The following ARHGAP42 variants were observed in gnomAD, a reference collection of about 807,000 sequenced individuals.
ARHGAP42 encodes the protein rho GTPase-activating protein 42.
Under a neutral mutation model 125.0 loss-of-function variants are expected in ARHGAP42, and 63 were observed. The observed-to-expected ratio is 0.50, with a 90% CI of 0.41 to 0.62. The LOEUF (loss-of-function observed/expected upper bound fraction) is 0.62, where lower values mean the gene tolerates loss of function less well. Among genes scored for constraint, ARHGAP42 ranks in the 20% least tolerant of loss-of-function variants. The pLI is 0.00. For missense variants in ARHGAP42, 766 were observed against 1,024.2 expected (o/e 0.75, Z 3.44); for synonymous variants, 339 against 351.0 (o/e 0.97, Z 0.38).
At chr11:100,803,203 C>T (rs1863904420) in intron 3 of ARHGAP42, among the ~76,000 whole-genome samples, 1 of 114,994 alleles carries the variant, frequency 8.7e-6, no homozygotes, top group South Asian at 3.5e-4. Flanking sequence ...TAGTGAGATC[C>T]AATCTCTACT....
intron 5 of ARHGAP42, among the ~76,000 whole-genome samples, chr11:100,914,535 AC>A (rs1867013466): frequency 6.6e-6 from 1 of 151,820 alleles, no homozygotes; most frequent in South Asian, 2.1e-4. Context: ...AACAACAACA[AC>A]AAATGTGAAG....
chr11:100,912,734 T>A (rs1421401446), intron 4 of ARHGAP42, among the ~76,000 whole-genome samples: 2 of 152,172 alleles, frequency 1.3e-5, no homozygotes, highest in Admixed American at 6.5e-5. Flanking sequence ...GTAAAGTTAC[T>A]CCCTTCTCAG....
intron 3 of ARHGAP42, among the ~76,000 whole-genome samples, chr11:100,796,469 C>G (rs967328074): frequency 6.6e-6 from 1 of 152,182 alleles, no homozygotes; most frequent in South Asian, 2.1e-4. Context: ...TCATGTGTCT[C>G]TCACTTTTTT....
intron 8 of ARHGAP42, among the ~76,000 whole-genome samples, chr11:100,940,965 C>T (rs1277223959): frequency 1.3e-5 from 2 of 152,012 alleles, no homozygotes; most frequent in African/African-American, 4.8e-5. Flanking sequence ...CAGTGATAAC[C>T]GCTAAGAAGA....
At position 100,902,892 on chromosome 11, in the gene ARHGAP42, A is replaced by G. The variant is rs1182904278; in HGVS notation, c.385-10560A>G. Among the ~76,000 whole-genome samples, 5 of 152,162 alleles carry G rather than the reference A, an allele frequency of 3.3e-5. No homozygotes were observed. The East Asian group carries it at 9.6e-4, about 29-fold the overall frequency. ...TGTTCCATGGGGTGAATTTTGATCA[A>G]TTATGGGAATGACGTGGAAGATAAA... On this transcript the variant is annotated intron_variant, in intron 4 of 23. Transcript: ENST00000298815.
At chr11:100,925,111 C>T (rs767732580) in intron 6 of ARHGAP42, among the ~76,000 whole-genome samples, 5 of 151,920 alleles carry the variant, frequency 3.3e-5, no homozygotes, top group African/African-American at 4.8e-5. Context: ...GGATTACAGG[C>T]GTGAGCCACC....
At chr11:100,904,798 G>A (rs1453067769) in intron 4 of ARHGAP42, among the ~76,000 whole-genome samples, 1 of 152,122 alleles carries the variant, frequency 6.6e-6, no homozygotes, top group Non-Finnish European at 1.5e-5. Context: ...CTGTGACCTT[G>A]GTCAGATTAC....
At chr11:100,959,070 A>G (rs11224538) in intron 12 of ARHGAP42, among the ~76,000 whole-genome samples, 82,610 of 139,762 alleles carry the variant, frequency 0.59, 23,990 homozygotes, top group African/African-American at 0.71. Context: ...GAATATTTTA[A>G]AAATCATGTC....
rs1045134164 is a variant in ARHGAP42 at position 100,875,552 on chromosome 11, G to A, written c.384+15927G>A. On this transcript the variant is annotated intron_variant, in intron 4 of 23. Coordinates refer to ENST00000298815, the MANE Select transcript of ARHGAP42 (RefSeq NM_152432.4). ...TGGGGGGAGGGTTTGCAGTGAGGCAGCCCTCAGCCACTCTCGGCCGAGACG... is the reference window on the plus strand; with the variant it reads ...TGGGGGGAGGGTTTGCAGTGAGGCAACCCTCAGCCACTCTCGGCCGAGACG... 2.0e-4 allele frequency among the ~76,000 whole-genome samples: 31 copies of A among 152,260 alleles called. No individual in the cohort carries two copies. In the East Asian group the frequency reaches 6.0e-3, roughly 30 times the overall value.
intron 1 of ARHGAP42, among the ~76,000 whole-genome samples, chr11:100,710,542 T>TG (rs1386809508): frequency 7.8e-6 from 1 of 128,042 alleles, no homozygotes; most frequent in Non-Finnish European, 1.6e-5. Flanking sequence ...CCAGCAGTTT[T>TG]TTTTTTTTTT....
chr11:100,992,823 C>A lies in ARHGAP42; in HGVS notation c.*4022C>A. The A allele has an allele frequency of 8.6e-7, 1 of 1,162,060 alleles. No individual in the cohort carries two copies. Among genetic ancestry groups the A allele is most frequent in the Middle Eastern group, 2.8e-4 (1 of 3,570 alleles). 72.0% of individuals were successfully genotyped at this position (1,162,060 alleles called of 1,614,324 possible). On this transcript the variant is annotated 3_prime_UTR_variant, in exon 24 of 24. Transcript: ENST00000298815. ...GACAACATTCACAGTAAGCCATTGGCAGAAAATTGATCTGCATGTCCTAGA... is the reference window on the plus strand; with the variant it reads ...GACAACATTCACAGTAAGCCATTGGAAGAAAATTGATCTGCATGTCCTAGA...
chr11:100,965,298 G>C (rs1380170461), intron 16 of ARHGAP42, among the ~76,000 whole-genome samples: 2 of 152,134 alleles, frequency 1.3e-5, no homozygotes, highest in African/African-American at 4.8e-5. Context: ...TCTAATGACT[G>C]GCACATTAGG....
At chr11:100,906,778 GTATC>G (rs1866749508) in intron 4 of ARHGAP42, among the ~76,000 whole-genome samples, 1 of 151,970 alleles carries the variant, frequency 6.6e-6, no homozygotes, top group Non-Finnish European at 1.5e-5. Context: ...GTTGTTTTAT[GTATC>G]TATTTGTTTT....
chr11:100,958,399 T>C (rs1245159606), intron 12 of ARHGAP42, among the ~76,000 whole-genome samples: 1 of 152,048 alleles, frequency 6.6e-6, no homozygotes, highest in Non-Finnish European at 1.5e-5. Context: ...TCTGTTCTTT[T>C]GACCTAGGAC....
At chr11:100,735,437 A>G (rs1862046147) in intron 1 of ARHGAP42, among the ~76,000 whole-genome samples, 1 of 152,028 alleles carries the variant, frequency 6.6e-6, no homozygotes, top group Non-Finnish European at 1.5e-5. Flanking sequence ...CATGATTTCT[A>G]GTTTTACAGG....
chr11:100,963,817 G>T (rs1858019310), intron 16 of ARHGAP42, among the ~76,000 whole-genome samples: 1 of 152,164 alleles, frequency 6.6e-6, no homozygotes, highest in African/African-American at 2.4e-5. Flanking sequence ...AATCAGGGCT[G>T]CAAGCCTGTT....
intron 1 of ARHGAP42, among the ~76,000 whole-genome samples, chr11:100,741,784 A>G (rs1862192424): frequency 6.6e-6 from 1 of 152,204 alleles, no homozygotes; most frequent in African/African-American, 2.4e-5. Flanking sequence ...ACTTAGTTTG[A>G]GAAGTATTTA....
At chr11:100,791,866 T>G (rs1045764524) in intron 2 of ARHGAP42, among the ~76,000 whole-genome samples, 2 of 152,210 alleles carry the variant, frequency 1.3e-5, no homozygotes, top group African/African-American at 4.8e-5. Context: ...CTATAAATAG[T>G]GTTCATATGG....
chr11:100,866,508 G>A (rs754130746), intron 4 of ARHGAP42, among the ~76,000 whole-genome samples: 10 of 152,128 alleles, frequency 6.6e-5, no homozygotes, highest in African/African-American at 2.4e-4. Flanking sequence ...CCTGAGACTG[G>A]GTAATTTATG....
Sources: allele counts gnomAD v4.1 joint callset (sites outside exome capture counted in the v4.1 genomes callset), GRCh38; gene constraint gnomAD v4.1.1; transcripts MANE v1.5; gene names NCBI Gene and HGNC (gene_info 2026-07-23, HGNC 2026-07-21).